The following DAAM1 variants were observed in gnomAD, a reference collection of about 807,000 sequenced individuals.
The protein encoded by DAAM1 is disheveled-associated activator of morphogenesis 1.
Under a neutral mutation model 130.0 loss-of-function variants are expected in DAAM1, and 52 were observed. The observed-to-expected ratio is 0.40, with a 90% CI of 0.32 to 0.50. DAAM1 has a LOEUF of 0.50. DAAM1 is among the 20% of genes least tolerant of loss of function. DAAM1 has a pLI of 0.61. For synonymous variants in DAAM1, 452 were observed against 444.5 expected, an observed-to-expected ratio of 1.02 and a Z score of -0.21; for missense variants, 1,134 against 1,303.8, an observed-to-expected ratio of 0.87 and a Z score of 2.01.
chr14:59,200,228 T>C (rs1460373960), intron 1 of DAAM1, among the ~76,000 whole-genome samples: 2 of 152,134 alleles, frequency 1.3e-5, no homozygotes, highest in Admixed American at 6.5e-5. Flanking sequence ...CCAGCAGATC[T>C]AGTAGGTAAA....
At chr14:59,303,588 G>A (rs1884262586) in intron 3 of DAAM1, among the ~76,000 whole-genome samples, 1 of 152,100 alleles carries the variant, frequency 6.6e-6, no homozygotes, top group East Asian at 1.9e-4. Flanking sequence ...GCATTCAGAG[G>A]TTATGAATGA....
intron 3 of DAAM1, 91 bp downstream of exon 3, chr14:59,291,397 T>G (rs539477527): frequency 9.7e-7 from 1 of 1,029,492 alleles, no homozygotes; most frequent in Non-Finnish European, 1.4e-6. Flanking sequence ...GACAGCTCTT[T>G]GTAATATGAA....
chr14:59,235,264 A>G (rs1405890673), intron 1 of DAAM1, among the ~76,000 whole-genome samples: 1 of 152,146 alleles, frequency 6.6e-6, no homozygotes, highest in East Asian at 1.9e-4. Flanking sequence ...CTGTGAATCC[A>G]TCTGGTCCTG....
chr14:59,248,094 AG>A (rs1774682642), intron 1 of DAAM1, among the ~76,000 whole-genome samples: 1 of 152,246 alleles, frequency 6.6e-6, no homozygotes. Context: ...AGTGAGTAGG[AG>A]TAATAATTTA....
intron 2 of DAAM1, among the ~76,000 whole-genome samples, chr14:59,272,643 A>ATATATGTATGTATGTATGTATGTATG (rs1555359606): frequency 6.9e-6 from 1 of 145,874 alleles, no homozygotes; most frequent in Admixed American, 7.0e-5. Context: ...ACACACATAT[A>ATATATGTATGTATGTATGTATGTATG]TATGTATGTA....
In DAAM1 at chr14:59,368,871, T is replaced by C. The variant is rs1268244953; in HGVS notation, c.*12T>C. 9 of 1,611,566 alleles carry C rather than the reference T, an allele frequency of 5.6e-6. No homozygotes were observed. Among genetic ancestry groups the C allele is most frequent in the African/African-American group, 1.3e-5 (1 of 74,728 alleles). The stretch of plus-strand genomic sequence containing the variant: ...AACTTAATTTCTAATTTTCCATGAA[T>C]ACTTTTTTTTAGAAAGCTCATTAGC... On this transcript the variant is annotated 3_prime_UTR_variant, in exon 25 of 25. Coordinates refer to ENST00000360909, the MANE Select transcript of DAAM1 (RefSeq NM_001270520.2).
rs537226091 is a variant in DAAM1 at position 59,371,043 on chromosome 14, G to C, written c.*2184G>C. 1 of 148,216 alleles carries C rather than the reference G, an allele frequency of 6.7e-6. No homozygotes were observed. Among genetic ancestry groups the C allele is most frequent in the South Asian group, 2.1e-4 (1 of 4,704 alleles). 9.2% of individuals were successfully genotyped at this position (148,216 alleles called of 1,614,324 possible). On this transcript the variant is annotated 3_prime_UTR_variant, in exon 25 of 25. Transcript: ENST00000360909. ...GCCTCCTTTGCCATTTCCATTTTTG[G>C]TTTCTTTCCCTGAAAACTGTGTGCA...
chr14:59,245,922 T>C (rs1356938909), intron 1 of DAAM1, among the ~76,000 whole-genome samples: 1 of 152,184 alleles, frequency 6.6e-6, no homozygotes, highest in Non-Finnish European at 1.5e-5. Flanking sequence ...TTTCAGAGCA[T>C]AGCTATTCAT....
intron 15 of DAAM1, among the ~76,000 whole-genome samples, chr14:59,336,384 T>C (rs933698857): frequency 1.3e-5 from 2 of 152,214 alleles, no homozygotes; most frequent in Non-Finnish European, 2.9e-5. Flanking sequence ...TAAGTGATTC[T>C]ACCACATTTG....
chr14:59,287,884 C>G (rs1883532190), intron 2 of DAAM1, among the ~76,000 whole-genome samples: 1 of 152,182 alleles, frequency 6.6e-6, no homozygotes, highest in African/African-American at 2.4e-5. Flanking sequence ...TCCTGTCAAA[C>G]TGCCAATGTC....
At chr14:59,257,596 C>T (rs368535912) in intron 1 of DAAM1, among the ~76,000 whole-genome samples, 6 of 152,178 alleles carry the variant, frequency 3.9e-5, no homozygotes, top group Admixed American at 6.5e-5. Flanking sequence ...GATGAGTGCA[C>T]GCACGTGCCT....
intron 1 of DAAM1, among the ~76,000 whole-genome samples, chr14:59,215,342 G>A (rs1188418414): frequency 1.3e-5 from 2 of 152,240 alleles, no homozygotes; most frequent in Non-Finnish European, 2.9e-5. Flanking sequence ...CATGTGCTTG[G>A]TGTATGCCCA....
At chr14:59,242,370 A>G (rs1002501443) in intron 1 of DAAM1, among the ~76,000 whole-genome samples, 1 of 152,160 alleles carries the variant, frequency 6.6e-6, no homozygotes, top group Non-Finnish European at 1.5e-5. Context: ...AATAGTAACA[A>G]CAACAACAAC....
intron 15 of DAAM1, among the ~76,000 whole-genome samples, chr14:59,336,522 A>G (rs976401669): frequency 1.3e-5 from 2 of 152,250 alleles, no homozygotes; most frequent in African/African-American, 4.8e-5. Context: ...GCCCCTTTGA[A>G]TGAAACTCAT....
chr14:59,366,512 C>T (rs1394877167), intron 23 of DAAM1, among the ~76,000 whole-genome samples: 2 of 152,130 alleles, frequency 1.3e-5, no homozygotes, highest in Admixed American at 1.3e-4. Flanking sequence ...ACAAGTTTCC[C>T]TCCCCCTGCT....
intron 1 of DAAM1, among the ~76,000 whole-genome samples, chr14:59,228,869 G>A (rs1008906629): frequency 6.6e-6 from 1 of 152,130 alleles, no homozygotes; most frequent in African/African-American, 2.4e-5. Context: ...TATTTCACCT[G>A]GATTCTAGTG....
chr14:59,244,163 C>T (rs2050730270), intron 1 of DAAM1, among the ~76,000 whole-genome samples: 1 of 151,978 alleles, frequency 6.6e-6, no homozygotes, highest in Admixed American at 6.6e-5. Flanking sequence ...TGCCCGCCAC[C>T]ATGTAAGACA....
At chr14:59,192,149 G>GGTGTGTGTGTGTGT (rs55791691) in intron 1 of DAAM1, among the ~76,000 whole-genome samples, 21 of 138,650 alleles carry the variant, frequency 1.5e-4, no homozygotes, top group East Asian at 6.5e-4. Context: ...CTTGTTAAGG[G>GGTGTGTGTGTGTGT]GTGTGTGTGT....
At chr14:59,352,441 G>T in intron 17 of DAAM1, 85 bp from the exon 18 acceptor site, 1 of 980,212 alleles carries the variant, frequency 1.0e-6, no homozygotes, top group South Asian at 1.6e-5. Context: ...ATTTTATCTT[G>T]GGACAGATTA....
Sources: allele counts gnomAD v4.1 joint callset (sites outside exome capture counted in the v4.1 genomes callset), GRCh38; gene constraint gnomAD v4.1.1; transcripts MANE v1.5; gene names NCBI Gene and HGNC (gene_info 2026-07-23, HGNC 2026-07-21).